The following PRAMEF17 variants were observed in gnomAD, a reference collection of about 807,000 sequenced individuals.
The protein encoded by PRAMEF17 is PRAME family member 17.
Under a neutral mutation model 36.8 loss-of-function variants are expected in PRAMEF17, and 48 were observed. The observed-to-expected ratio is 1.30, with a 90% CI of 1.03 to 1.66. The LOEUF is 1.66. Among genes scored for constraint, PRAMEF17 ranks in the 40% most tolerant of loss-of-function variants. The pLI is 0.00. For missense variants in PRAMEF17, 639 were observed against 560.6 expected, an observed-to-expected ratio of 1.14 and a Z score of -1.41; for synonymous variants, 246 against 220.4, an observed-to-expected ratio of 1.12 and a Z score of -1.03.
At chr1:13,391,524 T>C (rs1213327563) in intron 2 of PRAMEF17, among the ~76,000 whole-genome samples, 37 of 152,266 alleles carry the variant, frequency 2.4e-4, no homozygotes, top group African/African-American at 6.7e-4. Flanking sequence ...AGGCAGGTGG[T>C]CCTAGCAGAT....
At position 13,391,895 on chromosome 1, in the gene PRAMEF17, C is replaced by G. The variant is rs182607931; in HGVS notation, c.867-49C>G. On this transcript the variant is annotated intron_variant, in intron 2 of 2. Transcript: ENST00000376098. The stretch of plus-strand genomic sequence containing the variant: ...ACCATTGAGATGATTTCCCACCCCC[C>G]TCCTCCAACTGGCACCATTGCCCAT... 1.3e-3 allele frequency: 2,097 copies of G among 1,601,968 alleles called. 22 individuals carry two copies. Among genetic ancestry groups the G allele is most frequent in the East Asian group, 1.9e-3 (83 of 44,648 alleles).
In PRAMEF17 at chr1:13,389,667, C is replaced by T; in HGVS notation, c.10C>T (p.Gln4Ter). The T allele has an allele frequency of 6.2e-7, 1 of 1,611,992 alleles. No individual in the cohort carries two copies. The highest frequency in any genetic ancestry group is 8.5e-7 in the Non-Finnish European group (1 of 1,179,860). MSL[Q>*]SPSRLLELAG... The stretch of plus-strand genomic sequence containing the variant: ...CTGGAGATTTGTCAGAATGAGCCTC[C>T]AGTCCCCATCCAGACTCCTGGAGCT... Residue 4 changes from glutamine (Q) to a stop codon, truncating the protein, a stop_gained, in exon 1 of 3, where the codon CAG becomes TAG. Transcript: ENST00000376098. LOFTEE classifies it high-confidence loss of function.
chr1:13,392,582 T>G lies in PRAMEF17; in HGVS notation c.*80T>G, dbSNP rs985296516. ...AATCTAGGACACAGGTGGGTTTTTTTGTTTTTTTGTTTTTTTTTTGATGGA... is the reference window on the plus strand; with the variant it reads ...AATCTAGGACACAGGTGGGTTTTTTGGTTTTTTTGTTTTTTTTTTGATGGA... On this transcript the variant is annotated 3_prime_UTR_variant, in exon 3 of 3. Transcript: ENST00000376098. The G allele has an allele frequency of 9.6e-6, 15 of 1,568,582 alleles. No homozygotes were observed. The Middle Eastern group carries it at 7.1e-4, about 75-fold the overall frequency.
intron 1 of PRAMEF17, 106 bp from the exon 2 acceptor site, chr1:13,390,235 A>C: frequency 6.5e-7 from 1 of 1,547,964 alleles, no homozygotes; most frequent in Non-Finnish European, 8.8e-7. Context: ...AAGGAGGAGC[A>C]CTGAGGACAG....
In PRAMEF17 at chr1:13,391,947, C is replaced by T. The variant is rs754808559; in HGVS notation, c.870C>T (p.Cys290=). The T allele has an allele frequency of 5.0e-6, 8 of 1,610,928 alleles. No individual in the cohort carries two copies. The highest frequency in any genetic ancestry group is 6.8e-6 in the Non-Finnish European group (8 of 1,179,264). The part of the protein sequence containing the change: ...IKEHLEHLLR[C]LKNPLGTFIF... ...ACTAATTTCTTGCTCTCCCCAGGTG[C>T]CTCAAGAACCCCTTGGGAACCTTTA... The change falls in exon 3 of 3, where the codon TGC becomes TGT. Residue 290 remains cysteine, a synonymous_variant. Transcript: ENST00000376098.
rs1367949418 is a variant in PRAMEF17, at chr1:13,392,046, G to A, written c.969G>A (p.Lys323=). Reference sequence around the variant, plus strand: ...AGTACCCAAGCCTCAGTCAGCTAAAGGAGCTGCATCTGATTCATATCCTAA... The same window carrying A: ...AGTACCCAAGCCTCAGTCAGCTAAAAGAGCTGCATCTGATTCATATCCTAA... ...LSQYPSLSQL[K]ELHLIHILMW... Residue 323 remains lysine (K), a synonymous_variant, in exon 3 of 3, where the codon AAG becomes AAA. Coordinates refer to ENST00000376098, the MANE Select transcript of PRAMEF17 (RefSeq NM_001099851.3). 1.2e-6 allele frequency: 2 copies of A among 1,611,860 alleles called. No homozygotes were observed. Among genetic ancestry groups the A allele is most frequent in the Non-Finnish European group, 1.7e-6 (2 of 1,179,828 alleles).
At position 13,390,403 on chromosome 1, in the gene PRAMEF17, C is replaced by G. The variant is rs779375810; in HGVS notation, c.350C>G (p.Ser117Cys). 1 of 1,611,980 alleles carries G rather than the reference C, an allele frequency of 6.2e-7. No homozygotes were observed. Among genetic ancestry groups the G allele is most frequent in the Non-Finnish European group, 8.5e-7 (1 of 1,179,852 alleles). Residue 117 changes from serine (S) to cysteine (C), a missense_variant, in exon 2 of 3, where the codon TCT becomes TGT. Coordinates refer to ENST00000376098, the MANE Select transcript of PRAMEF17 (RefSeq NM_001099851.3). ...GATGGGAATTTCTGGACTATATGGT[C>G]TGGAGCCAGGGCCCTCTCCTGCTCC... is the stretch of plus-strand genomic sequence containing the variant. ...DVDGNFWTIW[S>C]GARALSCSPE...
Position 13,392,550 on chromosome 1 carries a change from G to T in PRAMEF17, c.*48G>T, listed in dbSNP as rs1389846159. 1 of 1,609,172 alleles carries T rather than the reference G, an allele frequency of 6.2e-7. No individual in the cohort carries two copies. The highest frequency in any genetic ancestry group is 8.5e-7 in the Non-Finnish European group (1 of 1,179,114). ...GATATGCTTTCTTCAGGACCCTTAG[G>T]CACTAAAATCTAGGACACAGGTGGG... On this transcript the variant is annotated 3_prime_UTR_variant, in exon 3 of 3. Transcript: ENST00000376098.
rs1640867870 is a variant in PRAMEF17, at chr1:13,390,631, C to G, written c.578C>G (p.Ser193Ter). 1.2e-6 allele frequency: 2 copies of G among 1,611,886 alleles called. No individual in the cohort carries two copies. The highest frequency in any genetic ancestry group is 2.7e-5 in the African/African-American group (2 of 74,844). The part of the protein sequence containing the change: ...NKVQNYSMPT[S>*]SFRNLLKRVY... The stretch of plus-strand genomic sequence containing the variant: ...GTGCAGAATTACTCAATGCCCACTT[C>G]AAGTTTCAGAAATTTATTGAAAAGG... The change falls in exon 2 of 3, where the codon TCA (serine) becomes TGA (stop). Residue 193 changes from serine to a stop codon, truncating the protein, a stop_gained. Coordinates refer to ENST00000376098, the MANE Select transcript of PRAMEF17 (RefSeq NM_001099851.3). LOFTEE classifies it high-confidence loss of function.
At chr1:13,391,875 T>A (rs1319975182) in intron 2 of PRAMEF17, 69 bp from the exon 3 acceptor site, 1 of 1,584,758 alleles carries the variant, frequency 6.3e-7, no homozygotes, top group Admixed American at 1.7e-5. Context: ...AGTTTACCAT[T>A]GAGATGATTT....
rs1640874272 is a variant in PRAMEF17 at position 13,391,033 on chromosome 1, A to G, written c.866+114A>G. The G allele has an allele frequency of 7.6e-6, 11 of 1,455,542 alleles. No homozygotes were observed. In the South Asian group the frequency reaches 1.3e-4, roughly 18 times the overall value. The allele number at this position is 1,455,542 out of a possible 1,614,324, so 90.2% of individuals were successfully genotyped here. On this transcript the variant is annotated intron_variant, in intron 2 of 2. Coordinates refer to ENST00000376098, the MANE Select transcript of PRAMEF17 (RefSeq NM_001099851.3). ...GCCAGCCACTGGTGATGTCACAGGG[A>G]ATGGGACGCTAGAATGTCAACTCAT... is the stretch of plus-strand genomic sequence containing the variant.
At position 13,389,684 on chromosome 1, in the gene PRAMEF17, C is replaced by T; in HGVS notation, c.27C>T (p.Leu9=). ...TGAGCCTCCAGTCCCCATCCAGACT[C>T]CTGGAGCTGGCAGGCCAGAGCCTGC... MSLQSPSR[L]LELAGQSLLR... is the part of the protein sequence containing the mutation. Residue 9 remains leucine (L), a synonymous_variant, in exon 1 of 3, where the codon CTC becomes CTT. Transcript: ENST00000376098. 1.9e-6 allele frequency: 3 copies of T among 1,612,040 alleles called. No individual in the cohort carries two copies. The East Asian group carries it at 6.7e-5, about 36-fold the overall frequency.
At chr1:13,390,028 G>A (rs1640859045) in intron 1 of PRAMEF17, 84 bp downstream of exon 1, 2 of 1,598,866 alleles carry the variant, frequency 1.3e-6, no homozygotes, top group Admixed American at 1.7e-5. Flanking sequence ...GTGGGGTTGG[G>A]GAGCTAGGGT....
rs1212047036 is a variant in PRAMEF17, at chr1:13,390,434, G to A, written c.381G>A (p.Glu127=). ...SGARALSCSP[E]AMSKRQTVED... is the part of the protein sequence containing the mutation. ...CCAGGGCCCTCTCCTGCTCCCCAGA[G>A]GCCATGAGTAAGAGGCAGACAGTGG... is the stretch of plus-strand genomic sequence containing the variant. Residue 127 remains glutamate (E), a synonymous_variant, in exon 2 of 3, where the codon GAG becomes GAA. Coordinates refer to ENST00000376098, the MANE Select transcript of PRAMEF17 (RefSeq NM_001099851.3). 1.2e-6 allele frequency: 2 copies of A among 1,612,016 alleles called. No individual in the cohort carries two copies. Among genetic ancestry groups the A allele is most frequent in the African/African-American group, 2.7e-5 (2 of 74,978 alleles).
In PRAMEF17 at chr1:13,390,907, A is replaced by G; in HGVS notation, c.854A>G (p.Glu285Gly). 6.2e-7 allele frequency: 1 copy of G among 1,612,034 alleles called. No homozygotes were observed. Among genetic ancestry groups the G allele is most frequent in the Non-Finnish European group, 8.5e-7 (1 of 1,179,856 alleles). Residue 285 changes from glutamate to glycine, a missense_variant, in exon 2 of 3, where the codon GAG (glutamate) becomes GGG (glycine). Physicochemically the swap from Glu to Gly is moderately conservative, Grantham distance 98. Coordinates refer to ENST00000376098, the MANE Select transcript of PRAMEF17 (RefSeq NM_001099851.3). Reference sequence around the variant, plus strand: ...ATCAGTAATATCAAAGAGCACCTGGAGCACCTGCTCAGGTAAGAAAGGATG... The same window carrying G: ...ATCAGTAATATCAAAGAGCACCTGGGGCACCTGCTCAGGTAAGAAAGGATG... ...RKISNIKEHL[E>G]HLLRCLKNPL...
At position 13,390,988 on chromosome 1, in the gene PRAMEF17, C is replaced by T. The variant is rs1296183523; in HGVS notation, c.866+69C>T. The stretch of plus-strand genomic sequence containing the variant: ...CTTTTGTTCTTTTTCACAGTAAACG[C>T]TAGTGGGCATCTACTGTGTGCCAGC... On this transcript the variant is annotated intron_variant, in intron 2 of 2. Coordinates refer to ENST00000376098, the MANE Select transcript of PRAMEF17 (RefSeq NM_001099851.3). The T allele has an allele frequency of 1.4e-5, 23 of 1,603,378 alleles. No homozygotes were observed. The Admixed American group carries it at 3.5e-4, about 24-fold the overall frequency.
In PRAMEF17 at chr1:13,390,558, AGGT is replaced by A; in HGVS notation, c.508_510del (p.Trp170del). 1 of 1,604,684 alleles carries A rather than the reference AGGT, an allele frequency of 6.2e-7. No homozygotes were observed. Among genetic ancestry groups the A allele is most frequent in the East Asian group, 2.2e-5 (1 of 44,514 alleles). The stretch of plus-strand genomic sequence containing the variant: ...GGATGAATGCCTGAGCTACCTCTGC[AGGT>A]GGATCCACTACAGAAGAGGTCTAGT... On this transcript the variant is annotated inframe_deletion, in exon 2 of 3. Coordinates refer to ENST00000376098, the MANE Select transcript of PRAMEF17 (RefSeq NM_001099851.3).
chr1:13,390,851 G>C lies in PRAMEF17; in HGVS notation c.798G>C (p.Leu266=). The change falls in exon 2 of 3, where the codon CTG becomes CTC. Residue 266 remains leucine (L), a synonymous_variant. Transcript: ENST00000376098. ...VPDLDCPFLC[L]YYPQMLYIRK... Reference sequence around the variant, plus strand: ...ACTTGGACTGTCCATTCCTCTGCCTGTACTACCCTCAGATGCTTTATATAA... The same window carrying C: ...ACTTGGACTGTCCATTCCTCTGCCTCTACTACCCTCAGATGCTTTATATAA... 1.9e-6 allele frequency: 3 copies of C among 1,612,022 alleles called. No individual in the cohort carries two copies. The South Asian group carries it at 3.3e-5, about 18-fold the overall frequency.
rs1640867579 is a variant in PRAMEF17, at chr1:13,390,611, G to T, written c.558G>T (p.Gln186His). The T allele has an allele frequency of 6.2e-7, 1 of 1,611,868 alleles. No individual in the cohort carries two copies. Among genetic ancestry groups the T allele is most frequent in the African/African-American group, 1.3e-5 (1 of 74,836 alleles). ...TGCACCTGTGTTGTAATAAGGTGCA[G>T]AATTACTCAATGCCCACTTCAAGTT... ...GLVHLCCNKV[Q>H]NYSMPTSSFR... is the part of the protein sequence containing the mutation. The change falls in exon 2 of 3, where the codon CAG becomes CAT. Residue 186 changes from glutamine to histidine, a missense_variant. Transcript: ENST00000376098.
Sources: allele counts gnomAD v4.1 joint callset (sites outside exome capture counted in the v4.1 genomes callset), GRCh38; gene constraint gnomAD v4.1.1; transcripts MANE v1.5; gene names NCBI Gene and HGNC (gene_info 2026-07-23, HGNC 2026-07-21).